NELL2: variants seen among roughly 807,000 people sequenced by gnomAD.
NELL2 encodes neural EGFL like 2, also known as protein kinase C-binding protein NELL2.
A neutral mutation model predicts 109.6 loss-of-function variants in NELL2; 41 were observed. The ratio of observed to expected loss-of-function variants is 0.37; its 90% CI spans 0.29 to 0.49. The LOEUF (loss-of-function observed/expected upper bound fraction) is 0.49, where lower values mean the gene tolerates loss of function less well. Ranked by LOEUF, NELL2 falls within the 20% of genes least tolerant of loss-of-function variation. NELL2 has a pLI of 0.98. For missense variants in NELL2, 900 were observed against 1,008.3 expected (o/e 0.89, Z 1.45); for synonymous variants, 355 against 344.7 (o/e 1.03, Z -0.33).
intron 9 of NELL2, among the ~76,000 whole-genome samples, chr12:44,751,925 T>C (rs1447981114): frequency 2.6e-5 from 4 of 151,632 alleles, no homozygotes; most frequent in African/African-American, 7.3e-5. Flanking sequence ...CCACACAAAA[T>C]ATACACTCAC....
At chr12:44,754,037 C>G (rs1341447743) in intron 9 of NELL2, among the ~76,000 whole-genome samples, 2 of 152,028 alleles carry the variant, frequency 1.3e-5, no homozygotes. Flanking sequence ...AAAGATACAT[C>G]CCAAATGTAT....
At chr12:44,914,204 T>A (rs1945808800), upstream of NELL2, 1 of 153,208 alleles carries the variant, frequency 6.5e-6, no homozygotes, top group Non-Finnish European at 1.5e-5. Context: ...TGGTTTTCCA[T>A]CTCACTTGAA....
At chr12:44,908,369 G>A (rs989368456) in intron 1 of NELL2, among the ~76,000 whole-genome samples, 1 of 151,922 alleles carries the variant, frequency 6.6e-6, no homozygotes, top group East Asian at 1.9e-4. Flanking sequence ...ATAGTAGGTA[G>A]GTAAAGGTCA....
At chr12:44,678,979 A>C (rs1948408555) in intron 12 of NELL2, among the ~76,000 whole-genome samples, 1 of 152,152 alleles carries the variant, frequency 6.6e-6, no homozygotes, top group Non-Finnish European at 1.5e-5. Context: ...AACGGCAATA[A>C]TACAAAAACT....
intron 9 of NELL2, among the ~76,000 whole-genome samples, chr12:44,745,313 C>T (rs149790069): frequency 5.9e-5 from 9 of 151,986 alleles, no homozygotes; most frequent in South Asian, 4.2e-4. Context: ...AAATAATAAG[C>T]GCAATCTATG....
chr12:44,622,711 C>G (rs1363549854), intron 13 of NELL2, among the ~76,000 whole-genome samples: 1 of 152,110 alleles, frequency 6.6e-6, no homozygotes, highest in Non-Finnish European at 1.5e-5. Flanking sequence ...AATCTTCCAA[C>G]TTATAGAAAA....
chr12:44,733,877 G>A (rs981393647), intron 9 of NELL2, among the ~76,000 whole-genome samples: 1 of 151,998 alleles, frequency 6.6e-6, no homozygotes, highest in African/African-American at 2.4e-5. Flanking sequence ...AGCATACTCT[G>A]TATAATTTCA....
chr12:44,733,563 A>G (rs1939483883), intron 9 of NELL2, among the ~76,000 whole-genome samples: 1 of 151,998 alleles, frequency 6.6e-6, no homozygotes, highest in Non-Finnish European at 1.5e-5. Context: ...GGAGGAGAAG[A>G]AAATAAGGAG....
At chr12:44,792,538 G>A (rs946739409) in intron 3 of NELL2, among the ~76,000 whole-genome samples, 1 of 151,986 alleles carries the variant, frequency 6.6e-6, no homozygotes, top group Non-Finnish European at 1.5e-5. Context: ...CAATGGAAAA[G>A]ACACCATAAA....
At chr12:44,886,180 A>T (rs1382688503) in intron 1 of NELL2, among the ~76,000 whole-genome samples, 1 of 151,908 alleles carries the variant, frequency 6.6e-6, no homozygotes, top group African/African-American at 2.4e-5. Flanking sequence ...ATCTTGCATC[A>T]TACACAATAA....
chr12:44,554,352 A>G (rs1322145350), intron 15 of NELL2, among the ~76,000 whole-genome samples: 2 of 152,198 alleles, frequency 1.3e-5, no homozygotes, highest in Non-Finnish European at 2.9e-5. Context: ...ACAGAAAAAC[A>G]ATACAGTACA....
intron 9 of NELL2, among the ~76,000 whole-genome samples, chr12:44,738,939 G>A (rs193201720): frequency 6.6e-6 from 1 of 152,178 alleles, no homozygotes; most frequent in Admixed American, 6.5e-5. Context: ...CCCACTCATG[G>A]ACTATAAAGA....
chr12:44,508,775 T>G lies in NELL2; in HGVS notation c.*159A>C. The G allele has an allele frequency of 1.5e-6, 1 of 650,182 alleles. No homozygotes were observed. 40.3% of individuals were successfully genotyped at this position (650,182 alleles called of 1,614,324 possible). ...CCCCAGTAATTTTCCTTTTGTGATT[T>G]TGTCAAGCTCCACAAATTTCATAAT... On this transcript the variant is annotated 3_prime_UTR_variant, in exon 20 of 20. Transcript: ENST00000429094.
intron 13 of NELL2, among the ~76,000 whole-genome samples, chr12:44,626,387 G>T (rs1946265343): frequency 6.6e-6 from 1 of 152,080 alleles, no homozygotes; most frequent in African/African-American, 2.4e-5. Flanking sequence ...GGTTTTTGTA[G>T]CTTACTCACT....
At chr12:44,639,336 A>T (rs1256450216) in intron 13 of NELL2, among the ~76,000 whole-genome samples, 2 of 152,196 alleles carry the variant, frequency 1.3e-5, no homozygotes, top group Non-Finnish European at 1.5e-5. Flanking sequence ...TATGAATCAA[A>T]TTCATGAACC....
intron 9 of NELL2, among the ~76,000 whole-genome samples, chr12:44,750,009 T>C (rs537782933): frequency 4.5e-4 from 68 of 152,008 alleles, no homozygotes; most frequent in African/African-American, 1.6e-3. Flanking sequence ...AAGGTATATA[T>C]ATCAAGATAT....
At chr12:44,662,371 G>A (rs1326358852) in intron 13 of NELL2, among the ~76,000 whole-genome samples, 1 of 151,910 alleles carries the variant, frequency 6.6e-6, no homozygotes, top group African/African-American at 2.4e-5. Flanking sequence ...CTTTACTTTT[G>A]TATGACTGCA....
upstream of NELL2, among the ~76,000 whole-genome samples, chr12:44,918,020 C>A (rs1945841517): frequency 6.6e-6 from 1 of 152,166 alleles, no homozygotes; most frequent in African/African-American, 2.4e-5. Flanking sequence ...TATTTTGAGT[C>A]CTTTCCTCTT....
At chr12:44,555,676 G>C (rs1327572487) in intron 15 of NELL2, among the ~76,000 whole-genome samples, 1 of 152,102 alleles carries the variant, frequency 6.6e-6, no homozygotes, top group Non-Finnish European at 1.5e-5. Flanking sequence ...AGCATGACAG[G>C]AGGCCAAGAA....
Sources: gnomAD v4.1 joint callset for allele counts (sites outside exome capture counted in the v4.1 genomes callset) on GRCh38, gnomAD v4.1.1 for gene constraint, MANE v1.5 for transcripts, NCBI Gene and HGNC (gene_info 2026-07-23, HGNC 2026-07-21) for gene names.